Variants in DOCK5 observed in about 807,000 individuals in gnomAD.
DOCK5 encodes the protein dedicator of cytokinesis protein 5.
DOCK5 carries 142 observed loss-of-function variants against 251.8 expected under a neutral mutation model. The ratio of observed to expected loss-of-function variants is 0.56; its 90% CI spans 0.49 to 0.65. The LOEUF is 0.65. Among genes scored for constraint, DOCK5 ranks in the 30% least tolerant of loss-of-function variants. DOCK5 has a pLI of 0.00. For synonymous variants in DOCK5, 842 were observed against 835.5 expected (o/e 1.01, Z -0.13); for missense variants, 2,111 against 2,312.3 (o/e 0.91, Z 1.79).
At chr8:25,187,660 C>T (rs576663941) in intron 1 of DOCK5, among the ~76,000 whole-genome samples, 7 of 151,994 alleles carry the variant, frequency 4.6e-5, no homozygotes, top group East Asian at 1.9e-4. Context: ...TCTGAGCCTC[C>T]GTTCCAAGGT....
At chr8:25,404,714 C>A (rs949836780) in intron 48 of DOCK5, among the ~76,000 whole-genome samples, 2 of 151,942 alleles carry the variant, frequency 1.3e-5, no homozygotes, top group Non-Finnish European at 1.5e-5. Flanking sequence ...TGTACATATA[C>A]AACTATATCA....
rs115303702 is a variant in DOCK5 at position 25,290,191 on chromosome 8, A to G, written c.322-1833A>G. Among the ~76,000 whole-genome samples the G allele has an allele frequency of 6.5e-3, 988 of 152,322 alleles. 9 individuals carry two copies. The highest frequency in any genetic ancestry group is 0.023 in the African/African-American group (955 of 41,562). On this transcript the variant is annotated intron_variant, in intron 5 of 51. Transcript: ENST00000276440. Reference sequence around the variant, plus strand: ...GTGGATGCTCATTAACTTAAAAAAAATTAAAATGAAGACATCAATCATTTA... The same window carrying G: ...GTGGATGCTCATTAACTTAAAAAAAGTTAAAATGAAGACATCAATCATTTA...
At chr8:25,280,881 A>G (rs1804171316) in intron 5 of DOCK5, among the ~76,000 whole-genome samples, 1 of 151,976 alleles carries the variant, frequency 6.6e-6, no homozygotes, top group South Asian at 2.1e-4. Flanking sequence ...ATGGATGAGG[A>G]ATTGCGTGTA....
At chr8:25,273,251 G>A (rs906740483) in intron 3 of DOCK5, among the ~76,000 whole-genome samples, 1 of 152,132 alleles carries the variant, frequency 6.6e-6, no homozygotes, top group African/African-American at 2.4e-5. Context: ...TGTTTACTCA[G>A]TGCCTGCTGC....
intron 21 of DOCK5, among the ~76,000 whole-genome samples, chr8:25,335,416 C>T (rs920955802): frequency 4.0e-5 from 6 of 151,788 alleles, no homozygotes; most frequent in East Asian, 1.9e-4. Context: ...ATAATTCGGC[C>T]GAGTGCTTGA....
Position 25,228,690 on chromosome 8 carries a change from C to G in DOCK5, c.44-14984C>G, listed in dbSNP as rs557538923. ...CTGACATAAATATGCTGAGGCAAGT[C>G]TCCCTTTAATTTTTCATTTTCAAGC... On this transcript the variant is annotated intron_variant, in intron 1 of 51. Coordinates refer to ENST00000276440, the MANE Select transcript of DOCK5 (RefSeq NM_024940.8). Among the ~76,000 whole-genome samples the G allele has an allele frequency of 4.6e-5, 7 of 150,640 alleles. No individual in the cohort carries two copies. The East Asian group carries it at 1.4e-3, about 30-fold the overall frequency.
At chr8:25,321,506 G>A (rs1019767925) in intron 16 of DOCK5, among the ~76,000 whole-genome samples, 2 of 152,096 alleles carry the variant, frequency 1.3e-5, no homozygotes, top group Admixed American at 6.6e-5. Flanking sequence ...TTCCTGCAAC[G>A]AGACAGTTCA....
At chr8:25,383,604 C>T (rs1384976175) in intron 40 of DOCK5, among the ~76,000 whole-genome samples, 2 of 152,160 alleles carry the variant, frequency 1.3e-5, no homozygotes, top group African/African-American at 4.8e-5. Flanking sequence ...CCTGTAATCC[C>T]AGCGCTTTGG....
chr8:25,223,340 G>A (rs1802439883), intron 1 of DOCK5, among the ~76,000 whole-genome samples: 1 of 152,058 alleles, frequency 6.6e-6, no homozygotes, highest in Non-Finnish European at 1.5e-5. Context: ...TAATAGACAG[G>A]TTTTTGCTCT....
intron 25 of DOCK5, among the ~76,000 whole-genome samples, chr8:25,344,123 G>A (rs1800314484): frequency 6.6e-6 from 1 of 152,186 alleles, no homozygotes; most frequent in African/African-American, 2.4e-5. Context: ...GTTTTCTTTA[G>A]GGGGTAGGCT....
intron 1 of DOCK5, among the ~76,000 whole-genome samples, chr8:25,224,018 A>C (rs1254003965): frequency 6.6e-6 from 1 of 152,238 alleles, no homozygotes; most frequent in Non-Finnish European, 1.5e-5. Flanking sequence ...GCACTCAGTT[A>C]ATATTTGTTG....
intron 5 of DOCK5, among the ~76,000 whole-genome samples, chr8:25,282,012 G>A (rs979655221): frequency 6.6e-6 from 1 of 151,762 alleles, no homozygotes; most frequent in Non-Finnish European, 1.5e-5. Context: ...TATAGCCGCT[G>A]TTGATTGACT....
At chr8:25,224,970 C>G (rs1802492481) in intron 1 of DOCK5, among the ~76,000 whole-genome samples, 1 of 152,100 alleles carries the variant, frequency 6.6e-6, no homozygotes, top group South Asian at 2.1e-4. Flanking sequence ...ATGTAAATGG[C>G]CACGAGCATA....
chr8:25,304,162 G>A lies in DOCK5; in HGVS notation c.977-93G>A, dbSNP rs1330776201. ...CCTGCTTAGTACCTTTCTTCCTGCA[G>A]TGTTTGATGTTTGCTGATACTGTCC... On this transcript the variant is annotated intron_variant, in intron 10 of 51. Transcript: ENST00000276440. 4 of 1,044,854 alleles carry A rather than the reference G, an allele frequency of 3.8e-6. No individual in the cohort carries two copies. The African/African-American group carries it at 6.6e-5, about 17-fold the overall frequency. 64.7% of individuals were successfully genotyped at this position (1,044,854 alleles called of 1,614,324 possible).
At chr8:25,203,785 T>A (rs1801936418) in intron 1 of DOCK5, among the ~76,000 whole-genome samples, 1 of 152,158 alleles carries the variant, frequency 6.6e-6, no homozygotes, top group South Asian at 2.1e-4. Flanking sequence ...TTTATTTGCC[T>A]TTTTTCGCCT....
chr8:25,238,227 G>A (rs1802851116), intron 1 of DOCK5, among the ~76,000 whole-genome samples: 1 of 152,148 alleles, frequency 6.6e-6, no homozygotes, highest in Admixed American at 6.5e-5. Context: ...TCACCACTAT[G>A]GACTGGCTTG....
intron 11 of DOCK5, among the ~76,000 whole-genome samples, chr8:25,305,723 A>AT (rs1205122081): frequency 1.3e-5 from 2 of 152,208 alleles, no homozygotes; most frequent in East Asian, 3.8e-4. Flanking sequence ...ATCAAGGTTT[A>AT]TTTTTTATCT....
rs146866184 is a variant in DOCK5, at chr8:25,404,741, G to A, written c.5093+1017G>A. ...ACTATATCAATATGGGAAAAATCTC[G>A]TATGTGAAATTGCTCTGTCAAAGAT... On this transcript the variant is annotated intron_variant, in intron 48 of 51. Coordinates refer to ENST00000276440, the MANE Select transcript of DOCK5 (RefSeq NM_024940.8). 3.6e-3 allele frequency among the ~76,000 whole-genome samples: 540 copies of A among 151,928 alleles called. 5 individuals are homozygous for A. The highest frequency in any genetic ancestry group is 0.032 in the South Asian group (155 of 4,806).
intron 1 of DOCK5, among the ~76,000 whole-genome samples, chr8:25,242,899 G>A (rs1802991122): frequency 6.6e-6 from 1 of 152,188 alleles, no homozygotes. Context: ...ATCAGATACT[G>A]TGCCATGGAA....
Sources: allele counts gnomAD v4.1 joint callset (sites outside exome capture counted in the v4.1 genomes callset), GRCh38; gene constraint gnomAD v4.1.1; transcripts MANE v1.5; gene names NCBI Gene and HGNC (gene_info 2026-07-23, HGNC 2026-07-21).